The following VIT variants were observed in gnomAD, a reference collection of about 807,000 sequenced individuals.
VIT encodes the protein vitrin.
Under a neutral mutation model 78.0 loss-of-function variants are expected in VIT, and 99 were observed. That is an observed-to-expected ratio of 1.27 (90% CI 1.08 to 1.50). VIT has a LOEUF of 1.50. Among genes scored for constraint, VIT ranks in the 40% most tolerant of loss-of-function variants. The pLI, the probability that VIT is intolerant of heterozygous loss-of-function variation, is 0.00. For synonymous variants in VIT, 374 were observed against 334.3 expected (o/e 1.12, Z -1.29); for missense variants, 1,126 against 875.3 (o/e 1.29, Z -3.61).
At chr2:36,764,944 TG>T (rs1446728620) in intron 6 of VIT, among the ~76,000 whole-genome samples, 1 of 151,802 alleles carries the variant, frequency 6.6e-6, no homozygotes, top group Admixed American at 6.6e-5. Flanking sequence ...GCTATCTTCT[TG>T]GTCTGCTGTG....
At chr2:36,733,163 G>A (rs1667305830) in intron 3 of VIT, among the ~76,000 whole-genome samples, 2 of 152,106 alleles carry the variant, frequency 1.3e-5, no homozygotes, top group Admixed American at 1.3e-4. Flanking sequence ...ATCTGCTTAA[G>A]CAAAAAGGGG....
chr2:36,787,281 G>A lies in VIT; in HGVS notation c.1058+5G>A. The stretch of plus-strand genomic sequence containing the variant: ...GATGGGTGTTGTCCAGTATGGGTAA[G>A]TGCAGTTAATGTTCTGAATCCAGAA... On this transcript the variant is annotated splice_donor_5th_base_variant and intron_variant, in intron 12 of 15. Coordinates refer to ENST00000379242, the MANE Select transcript of VIT (RefSeq NM_053276.4). 1 of 1,608,980 alleles carries A rather than the reference G, an allele frequency of 6.2e-7. No individual in the cohort carries two copies. The highest frequency in any genetic ancestry group is 8.5e-7 in the Non-Finnish European group (1 of 1,176,768).
At position 36,707,121 on chromosome 2, in the gene VIT, C is replaced by T. The variant is rs572733197; in HGVS notation, c.-18-9232C>T. 2.1e-4 allele frequency among the ~76,000 whole-genome samples: 32 copies of T among 152,240 alleles called. No individual in the cohort carries two copies. In the South Asian group the frequency reaches 5.2e-3, roughly 25 times the overall value. On this transcript the variant is annotated intron_variant, in intron 1 of 15. Transcript: ENST00000379242. ...TCTCTAGTTAAAACCACTGTATGGACGGCCACTGCGAGTTAGGTAGCAGTT... is the reference window on the plus strand; with the variant it reads ...TCTCTAGTTAAAACCACTGTATGGATGGCCACTGCGAGTTAGGTAGCAGTT...
intron 3 of VIT, among the ~76,000 whole-genome samples, chr2:36,741,430 C>T (rs1054203976): frequency 2.6e-5 from 4 of 152,178 alleles, no homozygotes. Flanking sequence ...CTCAACCCCT[C>T]GGTTCCCAGC....
At chr2:36,778,798 A>G (rs1670225141) in intron 9 of VIT, among the ~76,000 whole-genome samples, 1 of 152,210 alleles carries the variant, frequency 6.6e-6, no homozygotes, top group African/African-American at 2.4e-5. Flanking sequence ...CCCTTGGGAC[A>G]TGAAGCCAGG....
intron 1 of VIT, among the ~76,000 whole-genome samples, chr2:36,708,115 C>CA (rs1463666997): frequency 2.0e-5 from 3 of 149,510 alleles, no homozygotes; most frequent in Non-Finnish European, 4.5e-5. Context: ...GGACCTCCCC[C>CA]CCCCGCCCAC....
intron 12 of VIT, among the ~76,000 whole-genome samples, chr2:36,788,566 A>G (rs941480254): frequency 7.9e-5 from 12 of 152,218 alleles, no homozygotes; most frequent in African/African-American, 2.9e-4. Flanking sequence ...CAGGGGATCT[A>G]TCTTGAAGTT....
intron 5 of VIT, among the ~76,000 whole-genome samples, chr2:36,757,386 CT>C (rs1233994300): frequency 9.2e-5 from 14 of 152,322 alleles, no homozygotes; most frequent in African/African-American, 2.9e-4. Context: ...GAGGGACCCC[CT>C]AATACTTCCC....
rs1229120335 is a variant in VIT, at chr2:36,783,418, A to T, written c.910+16A>T. 6.2e-7 allele frequency: 1 copy of T among 1,613,730 alleles called. No homozygotes were observed. Among genetic ancestry groups the T allele is most frequent in the Admixed American group, 1.7e-5 (1 of 59,998 alleles). Reference sequence around the variant, plus strand: ...GGAGATCCAAGTAAGTTAATTGACAACTAGAAACCCACGGTGTCTTTGACA... The same window carrying T: ...GGAGATCCAAGTAAGTTAATTGACATCTAGAAACCCACGGTGTCTTTGACA... On this transcript the variant is annotated intron_variant, in intron 11 of 15. Coordinates refer to ENST00000379242, the MANE Select transcript of VIT (RefSeq NM_053276.4).
intron 5 of VIT, 134 bp from the exon 6 acceptor site, chr2:36,758,835 A>G: frequency 1.3e-6 from 1 of 784,302 alleles, no homozygotes; most frequent in Non-Finnish European, 2.1e-6. Flanking sequence ...GTAATCAACT[A>G]TTCAGCATGA....
At chr2:36,720,929 G>A (rs1328406676) in intron 2 of VIT, among the ~76,000 whole-genome samples, 1 of 151,924 alleles carries the variant, frequency 6.6e-6, no homozygotes, top group East Asian at 1.9e-4. Flanking sequence ...AGAATTGCTG[G>A]AACCCAGGAG....
At chr2:36,759,453 C>G in intron 6 of VIT, 1 of 1,222,182 alleles carries the variant, frequency 8.2e-7, no homozygotes, top group Non-Finnish European at 1.0e-6. Flanking sequence ...TATGTGATAA[C>G]AGCAAGCTGC....
intron 2 of VIT, 119 bp downstream of exon 2, chr2:36,716,541 T>C (rs1345202628): frequency 2.5e-6 from 2 of 796,106 alleles, no homozygotes; most frequent in Non-Finnish European, 4.0e-6. Context: ...GTGTATCATT[T>C]TATAAGAAAC....
In VIT at chr2:36,741,199, A is replaced by G. The variant is rs1667814076; in HGVS notation, c.119-1901A>G. 3.9e-5 allele frequency among the ~76,000 whole-genome samples: 6 copies of G among 152,368 alleles called. No homozygotes were observed. In the South Asian group the frequency reaches 1.2e-3, roughly 32 times the overall value. On this transcript the variant is annotated intron_variant, in intron 3 of 15. Coordinates refer to ENST00000379242, the MANE Select transcript of VIT (RefSeq NM_053276.4). ...CAATTCACTAATTTGAAGAGAGACCACACTGGCATCTTCATCCCAAAATAT... is the reference window on the plus strand; with the variant it reads ...CAATTCACTAATTTGAAGAGAGACCGCACTGGCATCTTCATCCCAAAATAT...
intron 14 of VIT, among the ~76,000 whole-genome samples, chr2:36,805,892 G>A (rs1020977379): frequency 2.0e-5 from 3 of 152,116 alleles, no homozygotes; most frequent in Non-Finnish European, 2.9e-5. Flanking sequence ...CGAATTCTCA[G>A]CTAGGTTCTT....
chr2:36,787,399 T>G, intron 12 of VIT, 123 bp downstream of exon 12: 14 of 1,280,570 alleles, frequency 1.1e-5, no homozygotes, highest in Non-Finnish European at 1.5e-5. Flanking sequence ...ATTTGTTCTC[T>G]TCCCTAATGC....
intron 1 of VIT, among the ~76,000 whole-genome samples, chr2:36,710,590 T>G (rs898893767): frequency 2.1e-5 from 3 of 144,540 alleles, no homozygotes; most frequent in African/African-American, 7.9e-5. Context: ...ACCACTGATG[T>G]GCTCTTTGTT....
chr2:36,713,741 G>T (rs1386711247), intron 1 of VIT, among the ~76,000 whole-genome samples: 2 of 152,190 alleles, frequency 1.3e-5, no homozygotes, highest in Non-Finnish European at 2.9e-5. Flanking sequence ...AGCACGTGGG[G>T]TGTAAGAGAA....
chr2:36,781,670 G>A, intron 9 of VIT, 57 bp from the exon 10 acceptor site: 1 of 1,589,522 alleles, frequency 6.3e-7, no homozygotes, highest in Non-Finnish European at 8.6e-7. Context: ...TCACTCAAGA[G>A]TTTCTGCTGG....
Sources: gnomAD v4.1 joint callset for allele counts (sites outside exome capture counted in the v4.1 genomes callset) on GRCh38, gnomAD v4.1.1 for gene constraint, MANE v1.5 for transcripts, NCBI Gene and HGNC (gene_info 2026-07-23, HGNC 2026-07-21) for gene names.